The following XPO7 variants were observed in gnomAD, a reference collection of about 807,000 sequenced individuals.
XPO7 encodes exportin 7.
Under a neutral mutation model 144.3 loss-of-function variants are expected in XPO7, and 21 were observed. The ratio of observed to expected loss-of-function variants is 0.15; its 90% confidence interval spans 0.10 to 0.21. The LOEUF (loss-of-function observed/expected upper bound fraction) is 0.21, where lower values mean the gene tolerates loss of function less well. Among genes scored for constraint, XPO7 ranks in the 10% least tolerant of loss-of-function variants. The pLI is 1.00. For synonymous variants in XPO7, 580 were observed against 499.6 expected (o/e 1.16, Z -2.15); for missense variants, 808 against 1,325.8 (o/e 0.61, Z 6.06).
chr8:21,930,984 A>C (rs1810626754), intron 1 of XPO7, among the ~76,000 whole-genome samples: 1 of 151,522 alleles, frequency 6.6e-6, no homozygotes, highest in African/African-American at 2.4e-5. Flanking sequence ...CTGGGACTAC[A>C]GGCACGCACC....
At chr8:21,999,822 C>T (rs1413946617) in intron 24 of XPO7, 148 bp downstream of exon 24, 5 of 1,017,492 alleles carry the variant, frequency 4.9e-6, no homozygotes, top group South Asian at 1.6e-5. Context: ...ATGCACAGCA[C>T]ATGCTTATCC....
chr8:21,997,440 A>G (rs1211345489), intron 21 of XPO7, among the ~76,000 whole-genome samples: 5 of 152,248 alleles, frequency 3.3e-5, no homozygotes, highest in African/African-American at 1.2e-4. Context: ...AATATTAACT[A>G]GGATCTAAAT....
chr8:21,960,978 TAATTA>T (rs1811708876), intron 1 of XPO7, among the ~76,000 whole-genome samples: 1 of 152,128 alleles, frequency 6.6e-6, no homozygotes, highest in Non-Finnish European at 1.5e-5. Flanking sequence ...AATATATAAA[TAATTA>T]AAGTATGCAA....
chr8:21,957,876 C>T (rs531794092), intron 1 of XPO7, among the ~76,000 whole-genome samples: 5 of 151,960 alleles, frequency 3.3e-5, no homozygotes, highest in South Asian at 2.1e-4. Context: ...AGGTCCTTTC[C>T]GGGTTTTTTT....
At chr8:21,975,262 C>T (rs1380380360) in intron 6 of XPO7, among the ~76,000 whole-genome samples, 1 of 152,196 alleles carries the variant, frequency 6.6e-6, no homozygotes, top group Non-Finnish European at 1.5e-5. Context: ...CAAGTAACAT[C>T]TGTAAGGAAA....
chr8:21,985,774 C>T (rs142443894), intron 13 of XPO7, 83 bp downstream of exon 13: 50 of 1,232,044 alleles, frequency 4.1e-5, no homozygotes, highest in African/African-American at 3.6e-4. Flanking sequence ...ACTTACAGAA[C>T]GTAATCTGAA....
At position 21,919,726 on chromosome 8, in the gene XPO7, C is replaced by T; in HGVS notation, c.-45C>T. 1 of 277,918 alleles carries T rather than the reference C, an allele frequency of 3.6e-6. No homozygotes were observed. Among genetic ancestry groups the T allele is most frequent in the Non-Finnish European group, 6.0e-6 (1 of 166,390 alleles). 17.2% of individuals were successfully genotyped at this position (277,918 alleles called of 1,614,324 possible). On this transcript the variant is annotated 5_prime_UTR_variant, in exon 1 of 28. Coordinates refer to ENST00000252512, the MANE Select transcript of XPO7 (RefSeq NM_015024.5). ...CGGCAGCGGCTCCGGCCGAGGTGCG[C>T]GCTGGGGGGGAGGGGGGGCCGGAGA...
In XPO7 at chr8:21,980,122, A is replaced by G; in HGVS notation, c.876A>G (p.Arg292=). 1.9e-6 allele frequency: 3 copies of G among 1,604,724 alleles called. No homozygotes were observed. The highest frequency in any genetic ancestry group is 2.6e-6 in the Non-Finnish European group (3 of 1,175,068). ...SCLVQIASVR[R]SLFNNAERAK... ...TGGTACAGATCGCTTCAGTCAGAAG[A>G]TCCCTGTTTAACAATGCAGAGAGGG... is the stretch of plus-strand genomic sequence containing the variant. The change falls in exon 9 of 28, where the codon AGA becomes AGG. Residue 292 remains arginine (R), a synonymous_variant. Coordinates refer to ENST00000252512, the MANE Select transcript of XPO7 (RefSeq NM_015024.5).
intron 1 of XPO7, among the ~76,000 whole-genome samples, chr8:21,941,756 G>C (rs1285184683): frequency 6.6e-6 from 1 of 152,152 alleles, no homozygotes; most frequent in African/African-American, 2.4e-5. Flanking sequence ...GTTTTTCACA[G>C]ACTCTATTTT....
At chr8:21,956,535 C>T (rs1008431840) in intron 1 of XPO7, among the ~76,000 whole-genome samples, 3 of 152,128 alleles carry the variant, frequency 2.0e-5, no homozygotes, top group Non-Finnish European at 4.4e-5. Flanking sequence ...TTCTGTCTTT[C>T]TGTAACTCCT....
rs369094452 is a variant in XPO7, at chr8:21,999,094, A to G, written c.2432A>G (p.Asn811Ser). The change falls in exon 23 of 28, where the codon AAT becomes AGT. Residue 811 changes from asparagine to serine, a missense_variant. Asn to Ser is a conservative substitution (Grantham distance 46). This residue lies in a region of XPO7 where 416 missense variants were observed against 612.5 expected (regional missense o/e 0.68). Transcript: ENST00000252512. Reference protein sequence around the residue: ...ETSKMITMYGNRILTLGEVPK... With the variant: ...ETSKMITMYGSRILTLGEVPK... The stretch of plus-strand genomic sequence containing the variant: ...CATATATGACATGTCTACTCAGGCA[A>G]TCGCATCCTGACACTAGGAGAGGTC... 3.4e-5 allele frequency: 55 copies of G among 1,613,864 alleles called. No homozygotes were observed. The highest frequency in any genetic ancestry group is 4.1e-5 in the Non-Finnish European group (48 of 1,179,886).
In XPO7 at chr8:21,950,106, T is replaced by C. The variant is rs141658572; in HGVS notation, c.19-16751T>C. On this transcript the variant is annotated intron_variant, in intron 1 of 27. Transcript: ENST00000252512. ...GGTATTGTTCAGTTCTGAACTTGACTGACCACTGTTGGTCATTTTTGTTAG... is the reference window on the plus strand; with the variant it reads ...GGTATTGTTCAGTTCTGAACTTGACCGACCACTGTTGGTCATTTTTGTTAG... Among the ~76,000 whole-genome samples the C allele has an allele frequency of 4.6e-5, 7 of 152,368 alleles. No homozygotes were observed. In the East Asian group the frequency reaches 9.6e-4, roughly 21 times the overall value.
intron 2 of XPO7, among the ~76,000 whole-genome samples, chr8:21,969,115 C>CAAACAG (rs2117328978): frequency 6.6e-6 from 1 of 152,254 alleles, no homozygotes; most frequent in East Asian, 1.9e-4. Flanking sequence ...TTTGAAATAT[C>CAAACAG]ATTATAACAG....
intron 1 of XPO7, among the ~76,000 whole-genome samples, chr8:21,959,397 A>T (rs191455025): frequency 6.6e-6 from 1 of 152,200 alleles, no homozygotes; most frequent in Non-Finnish European, 1.5e-5. Context: ...TGTTATTTCT[A>T]TGTAAAAGAA....
intron 3 of XPO7, 51 bp downstream of exon 3, chr8:21,969,627 A>G (rs1041733959): frequency 2.0e-6 from 3 of 1,483,112 alleles, no homozygotes; most frequent in Non-Finnish European, 2.8e-6. Context: ...TTGTTTAGTG[A>G]TGTGCTAGTA....
At position 21,999,203 on chromosome 8, in the gene XPO7, C is replaced by T. The variant is rs189343632; in HGVS notation, c.2541C>T (p.Tyr847=). The T allele has an allele frequency of 2.9e-5, 46 of 1,613,960 alleles. No homozygotes were observed. In the African/African-American group the frequency reaches 4.4e-4, roughly 15 times the overall value. The change falls in exon 23 of 28, where the codon TAC becomes TAT. Residue 847 remains tyrosine, a synonymous_variant. Coordinates refer to ENST00000252512, the MANE Select transcript of XPO7 (RefSeq NM_015024.5). ...TGAAGGCTGCTCTCAGTGGGAGTTA[C>T]GTCAATTTCGGAGTCTTTCGTCTCT... ...SMLKAALSGS[Y]VNFGVFRLYG...
chr8:21,963,302 C>A (rs7843479), intron 1 of XPO7, among the ~76,000 whole-genome samples: 55,090 of 151,994 alleles, frequency 0.36, 10,484 homozygotes, highest in Non-Finnish European at 0.42. Flanking sequence ...TAGTTCAGTA[C>A]TCAATATTAT....
chr8:21,931,204 C>A (rs1810637216), intron 1 of XPO7, among the ~76,000 whole-genome samples: 1 of 151,260 alleles, frequency 6.6e-6, no homozygotes, highest in Admixed American at 6.6e-5. Flanking sequence ...GCTCTGTTGA[C>A]CAGGCTGGAG....
intron 1 of XPO7, among the ~76,000 whole-genome samples, chr8:21,929,475 T>C (rs1256616167): frequency 6.6e-6 from 1 of 152,226 alleles, no homozygotes; most frequent in Non-Finnish European, 1.5e-5. Context: ...AAACAAGTGT[T>C]AACTTATCAT....
Sources: gnomAD v4.1 joint callset for allele counts (sites outside exome capture counted in the v4.1 genomes callset) on GRCh38, gnomAD v4.1.1 for gene constraint, gnomAD v4.1.1 regional missense constraint, MANE v1.5 for transcripts, NCBI Gene and HGNC (gene_info 2026-07-23, HGNC 2026-07-21) for gene names.